The following TSPAN3 variants were observed in gnomAD, a reference collection of about 807,000 sequenced individuals.
TSPAN3 encodes the protein tetraspanin 3.
A neutral mutation model predicts 31.1 loss-of-function variants in TSPAN3; 9 were observed. The observed-to-expected ratio is 0.29, with a 90% CI of 0.17 to 0.50. The LOEUF is 0.50. Ranked by LOEUF, TSPAN3 falls within the 20% of genes least tolerant of loss-of-function variation. The probability of loss-of-function intolerance (pLI) is 0.98; values close to 1 mark genes in which losing one functional copy is unlikely to be tolerated. For synonymous variants in TSPAN3, 129 were observed against 114.3 expected (o/e 1.13, Z -0.82); for missense variants, 252 against 313.5 (o/e 0.80, Z 1.48).
At chr15:77,048,934 C>T (rs1397042660) in intron 6 of TSPAN3, among the ~76,000 whole-genome samples, 2 of 152,134 alleles carry the variant, frequency 1.3e-5, no homozygotes, top group South Asian at 2.1e-4. Flanking sequence ...ATTAGAAACA[C>T]TCTTTTCTGA....
chr15:77,043,345 C>CCTT lies in TSPAN3; in HGVS notation c.*3487_*3489dup, dbSNP rs2076670366. 1 of 152,158 alleles carries CCTT rather than the reference C, an allele frequency of 6.6e-6. No homozygotes were observed. The highest frequency in any genetic ancestry group is 1.5e-5 in the Non-Finnish European group (1 of 68,042). 9.4% of individuals were successfully genotyped at this position (152,158 alleles called of 1,614,324 possible). A position where few individuals can be genotyped will look rare whatever the true frequency, so the allele number is the denominator to read the frequency against. ...TTTTATCCCTTTTAGTAGTTAACTA[C>CCTT]CTTCTACACAGTTAACAATTACTTA... On this transcript the variant is annotated 3_prime_UTR_variant, in exon 7 of 7. Coordinates refer to ENST00000267970, the MANE Select transcript of TSPAN3 (RefSeq NM_005724.6).
At position 77,071,005 on chromosome 15, in the gene TSPAN3, C is replaced by T. The variant is rs2076866145; in HGVS notation, c.-51G>A. On this transcript the variant is annotated 5_prime_UTR_variant, in exon 1 of 7. Coordinates refer to ENST00000267970, the MANE Select transcript of TSPAN3 (RefSeq NM_005724.6). The stretch of plus-strand genomic sequence containing the variant: ...GCCCGGAGAGCGGGGCTGCGCTCAC[C>T]GAGAGAGCGGCAATGGCGGCGGCGC... The T allele has an allele frequency of 1.5e-6, 2 of 1,320,336 alleles. No individual in the cohort carries two copies. Among genetic ancestry groups the T allele is most frequent in the South Asian group, 1.7e-5 (1 of 57,824 alleles). The allele number at this position is 1,320,336 out of a possible 1,614,324, so 81.8% of individuals were successfully genotyped here.
At chr15:77,064,179 T>A (rs895031921) in intron 1 of TSPAN3, 1 of 152,068 alleles carries the variant, frequency 6.6e-6, no homozygotes, top group African/African-American at 2.4e-5. Flanking sequence ...GAAGAAGATA[T>A]GTCAATATTT....
chr15:77,056,395 C>A, intron 1 of TSPAN3, 140 bp from the exon 2 acceptor site: 1 of 600,102 alleles, frequency 1.7e-6, no homozygotes, highest in Non-Finnish European at 2.7e-6. Flanking sequence ...TCTATGATTC[C>A]TTGTTAAGAG....
In TSPAN3 at chr15:77,071,076, C is replaced by T. The variant is rs2076867023; in HGVS notation, c.-122G>A. On this transcript the variant is annotated 5_prime_UTR_variant, in exon 1 of 7. Transcript: ENST00000267970. ...GGCCTGCGCGGCGCTCCCCGCAGCC[C>T]CTGCGCCGTCGCGCAGCCCCGACCC... is the stretch of plus-strand genomic sequence containing the variant. 3.2e-6 allele frequency: 2 copies of T among 615,990 alleles called. No homozygotes were observed. The highest frequency in any genetic ancestry group is 4.2e-5 in the East Asian group (1 of 23,758). The allele number at this position is 615,990 out of a possible 1,614,324, so 38.2% of individuals were successfully genotyped here.
intron 1 of TSPAN3, among the ~76,000 whole-genome samples, chr15:77,066,653 T>C (rs1022715005): frequency 1.6e-4 from 23 of 141,496 alleles, no homozygotes; most frequent in African/African-American, 5.5e-4. Flanking sequence ...CTTCAATAAA[T>C]CCTCATGGGT....
chr15:77,054,957 G>A (rs2076758758), intron 3 of TSPAN3: 2 of 152,072 alleles, frequency 1.3e-5, no homozygotes, highest in South Asian at 2.1e-4. Context: ...GGACTTATCT[G>A]GTAATTACAA....
At chr15:77,064,312 G>A (rs1170253202) in intron 1 of TSPAN3, 2 of 152,066 alleles carry the variant, frequency 1.3e-5, no homozygotes, top group Non-Finnish European at 2.9e-5. Context: ...TACAGGGACT[G>A]TGTTTACTCT....
chr15:77,050,281 CAA>C (rs2076722137), intron 6 of TSPAN3, among the ~76,000 whole-genome samples: 1 of 152,058 alleles, frequency 6.6e-6, no homozygotes, highest in South Asian at 2.1e-4. Context: ...CCTTAAAACC[CAA>C]GTTTTTAAAA....
At position 77,052,586 on chromosome 15, in the gene TSPAN3, A is replaced by G. The variant is rs569052853; in HGVS notation, c.586-118T>C. ...GACAGAAACTGAAAGAGTGGAAAAA[A>G]GATTCCATGATTGGTATAATTTACA... On this transcript the variant is annotated intron_variant, in intron 5 of 6. Transcript: ENST00000267970. 1.8e-4 allele frequency: 210 copies of G among 1,161,788 alleles called. No homozygotes were observed. In the African/African-American group the frequency reaches 2.9e-3, roughly 16 times the overall value. 72.0% of individuals were successfully genotyped at this position (1,161,788 alleles called of 1,614,324 possible). A position where few individuals can be genotyped will look rare whatever the true frequency, so the allele number is the denominator to read the frequency against.
chr15:77,061,940 G>T (rs1466192751), intron 1 of TSPAN3, among the ~76,000 whole-genome samples: 1 of 152,128 alleles, frequency 6.6e-6, no homozygotes, highest in African/African-American at 2.4e-5. Flanking sequence ...TTTTGCCAAA[G>T]AATCAATTAG....
At position 77,046,729 on chromosome 15, in the gene TSPAN3, T is replaced by C. The variant is rs2076694140; in HGVS notation, c.*106A>G. ...CAAGCTGCTCTGTCCAACACCAGTGTACATGTGCTTTAACTAAATGAACTC... is the reference window on the plus strand; with the variant it reads ...CAAGCTGCTCTGTCCAACACCAGTGCACATGTGCTTTAACTAAATGAACTC... On this transcript the variant is annotated 3_prime_UTR_variant, in exon 7 of 7. Transcript: ENST00000267970. 1 of 801,392 alleles carries C rather than the reference T, an allele frequency of 1.2e-6. No individual in the cohort carries two copies. Among genetic ancestry groups the C allele is most frequent in the Admixed American group, 2.2e-5 (1 of 44,668 alleles). 49.6% of individuals were successfully genotyped at this position (801,392 alleles called of 1,614,324 possible). A position where few individuals can be genotyped will look rare whatever the true frequency, so the allele number is the denominator to read the frequency against.
chr15:77,069,848 A>C (rs566765689), intron 1 of TSPAN3: 3 of 152,290 alleles, frequency 2.0e-5, no homozygotes, highest in African/African-American at 4.8e-5. Flanking sequence ...GGACAGAGCA[A>C]TCTGTCCAGG....
rs2076672644 is a variant in TSPAN3, at chr15:77,043,780, G to A, written c.*3055C>T. 1 of 152,214 alleles carries A rather than the reference G, an allele frequency of 6.6e-6. No homozygotes were observed. The highest frequency in any genetic ancestry group is 2.4e-5 in the African/African-American group (1 of 41,432). The allele number at this position is 152,214 out of a possible 1,614,324, so 9.4% of individuals were successfully genotyped here. On this transcript the variant is annotated 3_prime_UTR_variant, in exon 7 of 7. Transcript: ENST00000267970. ...ATGAGTGGTGAGGTATTCTATCAGT[G>A]TTAGATGGACGGAATTTGACAACTG...
chr15:77,071,101 C>A lies in TSPAN3; in HGVS notation c.-147G>T, dbSNP rs2076867553. 2.3e-6 allele frequency: 1 copy of A among 432,078 alleles called. No individual in the cohort carries two copies. 26.8% of individuals were successfully genotyped at this position (432,078 alleles called of 1,614,324 possible). On this transcript the variant is annotated 5_prime_UTR_variant, in exon 1 of 7. Transcript: ENST00000267970. ...CCTGCGCCGTCGCGCAGCCCCGACC[C>A]CAGCAAGTGCCTCGCTCCTCCGCGC... is the stretch of plus-strand genomic sequence containing the variant.
chr15:77,050,986 C>T (rs1481486062), intron 6 of TSPAN3, among the ~76,000 whole-genome samples: 2 of 152,162 alleles, frequency 1.3e-5, no homozygotes, highest in Non-Finnish European at 2.9e-5. Context: ...AAAGAGCAAG[C>T]AATCCAAGCA....
chr15:77,070,849 C>CCGGCCCCGCCGCCGGCCCCTCGCT (rs1311133363), intron 1 of TSPAN3, 43 bp downstream of exon 1: 12 of 1,221,530 alleles, frequency 9.8e-6, no homozygotes, highest in Middle Eastern at 3.1e-4. Context: ...GCGGCCTCGC[C>CCGGCCCCGCCGCCGGCCCCTCGCT]CGGCCCCGCC....
At chr15:77,070,704 C>T (rs1251430782) in intron 1 of TSPAN3, among the ~76,000 whole-genome samples, 188 bp downstream of exon 1, 7 of 151,708 alleles carry the variant, frequency 4.6e-5, no homozygotes, top group African/African-American at 1.5e-4. Context: ...GCCCAGGCTC[C>T]CGGCTTGGTC....
At chr15:77,056,399 T>C in intron 1 of TSPAN3, 144 bp from the exon 2 acceptor site, 1 of 587,362 alleles carries the variant, frequency 1.7e-6, no homozygotes, top group Non-Finnish European at 2.8e-6. Flanking sequence ...TGATTCCTTG[T>C]TAAGAGCATT....
Sources: gnomAD v4.1 joint callset for allele counts (sites outside exome capture counted in the v4.1 genomes callset) on GRCh38, gnomAD v4.1.1 for gene constraint, MANE v1.5 for transcripts, NCBI Gene and HGNC (gene_info 2026-07-23, HGNC 2026-07-21) for gene names.